ABHD18: variants seen among roughly 807,000 people sequenced by gnomAD.
ABHD18 encodes cardiolipin-specific deacylase, mitochondrial.
A neutral mutation model predicts 65.9 loss-of-function variants in ABHD18; 55 were observed. The ratio of observed to expected loss-of-function variants is 0.84; its 90% CI spans 0.67 to 1.05. The LOEUF (loss-of-function observed/expected upper bound fraction) is 1.05, where lower values mean the gene tolerates loss of function less well. ABHD18 is among the 50% of genes least tolerant of loss of function. The pLI is 0.00. For synonymous variants in ABHD18, 181 were observed against 180.2 expected (o/e 1.00, Z -0.04); for missense variants, 533 against 558.5 (o/e 0.95, Z 0.46).
chr4:128,001,769 C>T, intron 4 of ABHD18: 4 of 1,544,508 alleles, frequency 2.6e-6, no homozygotes, highest in Non-Finnish European at 3.5e-6. Context: ...TTGTAGGTAA[C>T]CAGTTATTTC....
rs1202435444 is a variant in ABHD18, at chr4:128,001,837, TTTTG to T, written c.279-7079_279-7076del. 3 of 1,361,854 alleles carry T rather than the reference TTTTG, an allele frequency of 2.2e-6. No homozygotes were observed. The African/African-American group carries it at 6.0e-5, about 27-fold the overall frequency. 84.4% of individuals were successfully genotyped at this position (1,361,854 alleles called of 1,614,324 possible). On this transcript the variant is annotated intron_variant, in intron 4 of 12. Transcript: ENST00000645843. ...CTTAGTGGTTAGATGTTGAGTTTTGTTTTGTTTTGTTTTTTTTTTTAATTCCTTG... is the reference window on the plus strand; with the variant it reads ...CTTAGTGGTTAGATGTTGAGTTTTGTTTTTGTTTTTTTTTTTAATTCCTTG...
intron 2 of ABHD18, 104 bp downstream of exon 2, chr4:127,983,151 C>A: frequency 1.4e-6 from 1 of 699,052 alleles, no homozygotes. Flanking sequence ...GAGCAATTGT[C>A]CAGCAAATTA....
At chr4:128,026,078 C>T (rs1757305394) in intron 10 of ABHD18, among the ~76,000 whole-genome samples, 1 of 151,914 alleles carries the variant, frequency 6.6e-6, no homozygotes, top group Non-Finnish European at 1.5e-5. Flanking sequence ...CACCTGAGGT[C>T]AGGAGTTTGA....
chr4:127,997,760 A>T (rs1342854498), intron 4 of ABHD18, among the ~76,000 whole-genome samples: 1 of 152,060 alleles, frequency 6.6e-6, no homozygotes, highest in Non-Finnish European at 1.5e-5. Flanking sequence ...ATTTCTTACT[A>T]GCTCTCATCT....
At chr4:127,986,801 A>G (rs1750040153) in intron 3 of ABHD18, among the ~76,000 whole-genome samples, 1 of 152,202 alleles carries the variant, frequency 6.6e-6, no homozygotes, top group Non-Finnish European at 1.5e-5. Flanking sequence ...TGTGAGGCTG[A>G]ACATCTTTTC....
At chr4:128,019,599 G>T (rs1405489277) in intron 8 of ABHD18, among the ~76,000 whole-genome samples, 1 of 152,150 alleles carries the variant, frequency 6.6e-6, no homozygotes, top group Non-Finnish European at 1.5e-5. Flanking sequence ...TTCTCCAAAA[G>T]GGAGAGTGAT....
intron 4 of ABHD18, 28 bp from the exon 5 acceptor site, chr4:128,008,892 A>T: frequency 1.3e-6 from 2 of 1,501,064 alleles, no homozygotes; most frequent in Non-Finnish European, 1.8e-6. Flanking sequence ...AGAGAATTTT[A>T]TTGATAAGTC....
intron 3 of ABHD18, among the ~76,000 whole-genome samples, chr4:127,988,418 A>T (rs2149083636): frequency 6.6e-6 from 1 of 152,154 alleles, no homozygotes; most frequent in East Asian, 1.9e-4. Flanking sequence ...TTTTGTAGAG[A>T]CAGAGTTTTT....
intron 4 of ABHD18, among the ~76,000 whole-genome samples, chr4:128,006,823 G>C (rs1318165114): frequency 6.6e-6 from 1 of 152,174 alleles, no homozygotes; most frequent in Non-Finnish European, 1.5e-5. Context: ...GGTGACTCAT[G>C]TCCATAATCA....
At chr4:127,997,929 G>A (rs1398037785) in intron 4 of ABHD18, among the ~76,000 whole-genome samples, 1 of 146,938 alleles carries the variant, frequency 6.8e-6, no homozygotes, top group Non-Finnish European at 1.5e-5. Context: ...TTGCTCTATT[G>A]CTCAGGCTGG....
intron 7 of ABHD18, among the ~76,000 whole-genome samples, chr4:128,015,707 T>G (rs1020983445): frequency 6.6e-6 from 1 of 152,098 alleles, no homozygotes; most frequent in Non-Finnish European, 1.5e-5. Flanking sequence ...TTTTCACACT[T>G]GGCATTCCTT....
intron 1 of ABHD18, among the ~76,000 whole-genome samples, chr4:127,973,751 G>C (rs541578162): frequency 6.8e-6 from 1 of 146,160 alleles, no homozygotes; most frequent in African/African-American, 2.6e-5. Context: ...CCTATGAAGA[G>C]AGCCATGTGA....
intron 12 of ABHD18, chr4:128,031,209 C>T: frequency 4.6e-6 from 4 of 870,504 alleles, no homozygotes; most frequent in Non-Finnish European, 5.5e-6. Context: ...AATCCCAGCA[C>T]TTTGGGAGGC....
intron 4 of ABHD18, among the ~76,000 whole-genome samples, chr4:127,998,485 T>C (rs1234329211): frequency 6.6e-6 from 1 of 151,786 alleles, no homozygotes; most frequent in Non-Finnish European, 1.5e-5. Context: ...GTGATCCGCC[T>C]GCCTCGGCCT....
intron 4 of ABHD18, among the ~76,000 whole-genome samples, chr4:127,996,318 AAGAG>A (rs1294952328): frequency 6.6e-6 from 1 of 152,120 alleles, no homozygotes; most frequent in East Asian, 1.9e-4. Flanking sequence ...CTGAGAAATA[AAGAG>A]AAAGAGTACA....
chr4:127,990,427 G>A (rs1750714265), intron 4 of ABHD18, among the ~76,000 whole-genome samples: 2 of 152,116 alleles, frequency 1.3e-5, no homozygotes, highest in South Asian at 4.1e-4. Context: ...AGCCAGGTGT[G>A]GTGGCAGGCA....
chr4:127,966,702 CAAAAAAAAAAAAAAAAAAAA>C (rs70966065), intron 1 of ABHD18, among the ~76,000 whole-genome samples: 25 of 21,540 alleles, frequency 1.2e-3, no homozygotes, highest in East Asian at 4.1e-3. Context: ...ACTAAAAATA[CAAAAAAAAAAAAAAAAAAAA>C]AAAAAAAAAA....
chr4:127,989,852 A>G lies in ABHD18; in HGVS notation c.278+31A>G, dbSNP rs1029846874. 2.3e-6 allele frequency: 3 copies of G among 1,318,102 alleles called. No individual in the cohort carries two copies. In the African/African-American group the frequency reaches 4.4e-5, roughly 20 times the overall value. 81.7% of individuals were successfully genotyped at this position (1,318,102 alleles called of 1,614,324 possible). On this transcript the variant is annotated intron_variant, in intron 4 of 12. Transcript: ENST00000645843. ...AATTTTTTTGTTCAAAAAGATGAAT[A>G]CATTATTTATGTTCATTAAAATTAT...
rs775210903 is a variant in ABHD18 at position 127,984,321 on chromosome 4, T to C, written c.93-18T>C. On this transcript the variant is annotated intron_variant, in intron 2 of 12. Coordinates refer to ENST00000645843, the MANE Select transcript of ABHD18 (RefSeq NM_001358451.3). Reference sequence around the variant, plus strand: ...TAAAAGATTAATTTTTTCCTTTTTGTCTTCTTTCCCATAATAGACTCTTTG... The same window carrying C: ...TAAAAGATTAATTTTTTCCTTTTTGCCTTCTTTCCCATAATAGACTCTTTG... 2.6e-5 allele frequency: 39 copies of C among 1,505,132 alleles called. No homozygotes were observed. The African/African-American group carries it at 5.0e-4, about 19-fold the overall frequency. 93.2% of individuals were successfully genotyped at this position (1,505,132 alleles called of 1,614,324 possible). A position where few individuals can be genotyped will look rare whatever the true frequency, so the allele number is the denominator to read the frequency against.
Sources: allele counts gnomAD v4.1 joint callset (sites outside exome capture counted in the v4.1 genomes callset), GRCh38; gene constraint gnomAD v4.1.1; transcripts MANE v1.5; gene names NCBI Gene and HGNC (gene_info 2026-07-23, HGNC 2026-07-21).